The following OR2I1 variants were observed in gnomAD, a reference collection of about 807,000 sequenced individuals.
OR2I1 encodes putative olfactory receptor 2I1.
At chr6:29,555,915 A>G in the OR2I1 span, 2 of 1,613,070 alleles carry the variant, frequency 1.2e-6, no homozygotes, top group Non-Finnish European at 8.5e-7. Context: ...AGGAAGAGTA[A>G]GTTGCCCTTT....
chr6:29,556,354 G>A, the OR2I1 span: 6 of 1,606,640 alleles, frequency 3.7e-6, no homozygotes, highest in Non-Finnish European at 4.3e-6. Context: ...CATGCACCTG[G>A]GAAGTGAAAG....
At chr6:29,554,175 G>A in the OR2I1 span, 6 of 398,750 alleles carry the variant, frequency 1.5e-5, no homozygotes. Context: ...GAGTAGTTGG[G>A]GAGGGGAGAA....
the OR2I1 span, among the ~76,000 whole-genome samples, chr6:29,551,767 C>T: frequency 6.6e-6 from 1 of 152,200 alleles, no homozygotes; most frequent in Non-Finnish European, 1.5e-5. Flanking sequence ...GGCTAAGTAA[C>T]ATACCCAAGG....
At chr6:29,556,727 C>G in the OR2I1 span, 1 of 196,732 alleles carries the variant, frequency 5.1e-6, no homozygotes, top group Admixed American at 5.4e-5. Flanking sequence ...GAAGCTGAGG[C>G]AGGCTGATCA....
At chr6:29,553,198 A>G in the OR2I1 span, 1 of 398,538 alleles carries the variant, frequency 2.5e-6, no homozygotes, top group Admixed American at 4.4e-5. Context: ...CGACCTTCCA[A>G]ACATTCTGGG....
chr6:29,552,281 T>C, the OR2I1 span, among the ~76,000 whole-genome samples: 148 of 152,290 alleles, frequency 9.7e-4, 1 homozygote, highest in African/African-American at 3.3e-3. Context: ...TATGAAAAAA[T>C]TGAGACAGAG....
At chr6:29,554,076 C>A in the OR2I1 span, 1 of 398,878 alleles carries the variant, frequency 2.5e-6, no homozygotes, top group Non-Finnish European at 4.4e-6. Flanking sequence ...CTGCTCTCAA[C>A]CCGCTCATCT....
the OR2I1 span, chr6:29,556,868 A>G: frequency 6.4e-6 from 1 of 155,094 alleles, no homozygotes; most frequent in Non-Finnish European, 1.4e-5. Context: ...GAGGCAGGAG[A>G]ATCATTTGAA....
At chr6:29,553,606 C>A in the OR2I1 span, 1 of 398,270 alleles carries the variant, frequency 2.5e-6, no homozygotes, top group Non-Finnish European at 4.4e-6. Context: ...CCGCCCGCTG[C>A]GCTATGCGGG....
chr6:29,554,712 C>T, the OR2I1 span: 1 of 152,036 alleles, frequency 6.6e-6, no homozygotes, highest in African/African-American at 2.4e-5. Context: ...AGACTGGAAA[C>T]CCCCCTGCAG....
the OR2I1 span, chr6:29,553,131 G>A: frequency 2.5e-6 from 1 of 397,838 alleles, no homozygotes; most frequent in Non-Finnish European, 4.4e-6. Context: ...TCCCAGCCCA[G>A]CCCCACACTC....
the OR2I1 span, chr6:29,553,827 C>A: frequency 5.0e-6 from 2 of 398,724 alleles, no homozygotes; most frequent in Non-Finnish European, 8.8e-6. Flanking sequence ...TCGCCGCCCG[C>A]GTGGTCATCC....
chr6:29,555,719 G>C, the OR2I1 span: 78 of 600,246 alleles, frequency 1.3e-4, no homozygotes, highest in East Asian at 2.1e-3. Context: ...AAGAAACATA[G>C]AGTTGGGCAA....
the OR2I1 span, chr6:29,557,724 C>T: frequency 6.6e-6 from 1 of 152,214 alleles, no homozygotes; most frequent in Admixed American, 6.5e-5. Context: ...AGAATGGCTA[C>T]CTTGCAGACT....
chr6:29,551,081 T>A, the OR2I1 span, among the ~76,000 whole-genome samples: 3 of 152,198 alleles, frequency 2.0e-5, no homozygotes, highest in Non-Finnish European at 4.4e-5. Flanking sequence ...CTGTGCAGTT[T>A]TATTATTGTG....
the OR2I1 span, chr6:29,553,975 G>C: frequency 2.5e-6 from 1 of 398,692 alleles, no homozygotes; most frequent in Admixed American, 4.4e-5. Flanking sequence ...CCTGTTCTAC[G>C]GCTCGGCCAT....
chr6:29,551,147 C>T, the OR2I1 span, among the ~76,000 whole-genome samples: 1 of 152,310 alleles, frequency 6.6e-6, no homozygotes, highest in Middle Eastern at 3.4e-3. Flanking sequence ...GCTTGCCAGG[C>T]TGAACAGTTA....
At chr6:29,556,588 A>C in the OR2I1 span, 3 of 520,482 alleles carry the variant, frequency 5.8e-6, no homozygotes, top group Non-Finnish European at 1.0e-5. Context: ...TTGAGAATGG[A>C]AAATAAAATC....
chr6:29,553,847 C>T, the OR2I1 span: 1 of 398,760 alleles, frequency 2.5e-6, no homozygotes, highest in Non-Finnish European at 4.4e-6. Flanking sequence ...CTGCTGCTGC[C>T]GTTTGCCGTC....
Sources: gnomAD v4.1 joint callset for allele counts (sites outside exome capture counted in the v4.1 genomes callset) on GRCh38, gnomAD v4.1.1 for gene constraint, MANE v1.5 for transcripts, NCBI Gene and HGNC (gene_info 2026-07-23, HGNC 2026-07-21) for gene names.